CORO1C: variants seen among roughly 807,000 people sequenced by gnomAD.
CORO1C encodes the protein coronin 1C.
CORO1C carries 14 observed loss-of-function variants against 51.2 expected under a neutral mutation model. The ratio of observed to expected loss-of-function variants is 0.27; its 90% CI spans 0.18 to 0.43. CORO1C has a LOEUF of 0.43. Among genes scored for constraint, CORO1C ranks in the 20% least tolerant of loss-of-function variants. The pLI, the probability that CORO1C is intolerant of heterozygous loss-of-function variation, is 1.00. For synonymous variants in CORO1C, 181 were observed against 210.5 expected, an observed-to-expected ratio of 0.86 and a Z score of 1.21; for missense variants, 417 against 607.8, an observed-to-expected ratio of 0.69 and a Z score of 3.30.
intron 2 of CORO1C, among the ~76,000 whole-genome samples, chr12:108,694,139 G>A (rs188885658): frequency 4.6e-4 from 70 of 152,034 alleles, no homozygotes; most frequent in African/African-American, 1.3e-3. Flanking sequence ...AAAATTAGCC[G>A]GGCATGATGG....
Position 108,731,094 on chromosome 12 carries a change from C to G in CORO1C, c.-6+335G>C, listed in dbSNP as rs906680088. ...CCTAAAAGCCTTCCCTGGGCAGCCTCGTCCCACCTCGGCCCGCGGCTCCGC... is the reference window on the plus strand; with the variant it reads ...CCTAAAAGCCTTCCCTGGGCAGCCTGGTCCCACCTCGGCCCGCGGCTCCGC... On this transcript the variant is annotated intron_variant, in intron 1 of 10. Transcript: ENST00000261401. The surrounding 1 kb of genome is among the most constrained non-coding windows in gnomAD (Gnocchi z 5.2). 1 of 153,278 alleles carries G rather than the reference C, an allele frequency of 6.5e-6. No individual in the cohort carries two copies. Among genetic ancestry groups the G allele is most frequent in the Admixed American group, 6.5e-5 (1 of 15,298 alleles). 9.5% of individuals were successfully genotyped at this position (153,278 alleles called of 1,614,324 possible). A position where few individuals can be genotyped will look rare whatever the true frequency, so the allele number is the denominator to read the frequency against.
chr12:108,678,404 G>A lies in CORO1C; in HGVS notation c.196-10C>T, dbSNP rs770145391. ...TGTCAATTCGACCAGTCTGAAAGAA[G>A]AGAGAAACAAACCTATTATGTAATA... On this transcript the variant is annotated splice_polypyrimidine_tract_variant and intron_variant, in intron 2 of 10. Coordinates refer to ENST00000261401, the MANE Select transcript of CORO1C (RefSeq NM_014325.4). The A allele has an allele frequency of 1.3e-6, 2 of 1,566,070 alleles. No homozygotes were observed.
At chr12:108,659,857 A>T (rs1376865242) in intron 4 of CORO1C, among the ~76,000 whole-genome samples, 2 of 152,248 alleles carry the variant, frequency 1.3e-5, no homozygotes, top group Non-Finnish European at 2.9e-5. Context: ...CATGGTGAGA[A>T]GCCCAAACTG....
At chr12:108,705,304 C>A (rs539503129) in intron 1 of CORO1C, among the ~76,000 whole-genome samples, 5 of 151,832 alleles carry the variant, frequency 3.3e-5, no homozygotes, top group Admixed American at 1.3e-4. Flanking sequence ...CATGGTGAAA[C>A]CCAGTCTCTA....
chr12:108,664,365 G>C (rs573422174), intron 3 of CORO1C, among the ~76,000 whole-genome samples: 1 of 152,318 alleles, frequency 6.6e-6, no homozygotes, highest in East Asian at 1.9e-4. Context: ...TGAGTGTTTA[G>C]GGTTCAGCTC....
At position 108,658,855 on chromosome 12, in the gene CORO1C, A is replaced by G. The variant is rs755025882; in HGVS notation, c.513T>C (p.Asp171=). The G allele has an allele frequency of 6.2e-7, 1 of 1,613,920 alleles. No homozygotes were observed. The highest frequency in any genetic ancestry group is 8.5e-7 in the Non-Finnish European group (1 of 1,179,780). ...CATTGTAAATCATGTCTGAATGCAT[A>G]TCGTCCAAGTTTATAAGGGCTTCCC... is the stretch of plus-strand genomic sequence containing the variant. ...GTGEALINLD[D]MHSDMIYNVS... Residue 171 remains aspartate (D), a synonymous_variant, in exon 5 of 11, where the codon GAT becomes GAC. Transcript: ENST00000261401. This position sits in a 1 kb window ranked among gnomAD's most constrained non-coding sequence, Gnocchi z 4.9.
intron 1 of CORO1C, among the ~76,000 whole-genome samples, chr12:108,724,346 C>T (rs2035539599): frequency 1.3e-5 from 2 of 152,216 alleles, no homozygotes; most frequent in South Asian, 4.1e-4. Flanking sequence ...AAAATCCACA[C>T]TATACTATAA....
chr12:108,680,842 T>G (rs1242053422), intron 2 of CORO1C, among the ~76,000 whole-genome samples: 1 of 152,230 alleles, frequency 6.6e-6, no homozygotes, highest in Admixed American at 6.5e-5. Context: ...ACAAAAATCA[T>G]GCAGGTAAGA....
In CORO1C at chr12:108,647,322, C is replaced by T; in HGVS notation, c.*81G>A. On this transcript the variant is annotated 3_prime_UTR_variant, in exon 11 of 11. Transcript: ENST00000261401. Reference sequence around the variant, plus strand: ...AAATGGCAGTGCCTCCCTTTCCGCCCTCCCTAGGACCACACCAATAACCAG... The same window carrying T: ...AAATGGCAGTGCCTCCCTTTCCGCCTTCCCTAGGACCACACCAATAACCAG... 1 of 1,348,044 alleles carries T rather than the reference C, an allele frequency of 7.4e-7. No individual in the cohort carries two copies. Among genetic ancestry groups the T allele is most frequent in the Non-Finnish European group, 9.9e-7 (1 of 1,007,154 alleles). 83.5% of individuals were successfully genotyped at this position (1,348,044 alleles called of 1,614,324 possible). A position where few individuals can be genotyped will look rare whatever the true frequency, so the allele number is the denominator to read the frequency against.
intron 2 of CORO1C, among the ~76,000 whole-genome samples, chr12:108,699,687 C>T (rs1055174611): frequency 6.6e-6 from 1 of 152,150 alleles, no homozygotes; most frequent in Non-Finnish European, 1.5e-5. Flanking sequence ...AATCCCCACT[C>T]CAAAACCAGA....
intron 1 of CORO1C, among the ~76,000 whole-genome samples, chr12:108,709,849 C>T (rs373856742): frequency 2.2e-4 from 33 of 152,314 alleles, no homozygotes; most frequent in East Asian, 1.2e-3. Context: ...ACTGCTTGCT[C>T]ATTAGGTCTT....
intron 2 of CORO1C, among the ~76,000 whole-genome samples, chr12:108,692,274 G>A (rs779433483): frequency 9.9e-5 from 15 of 152,214 alleles, no homozygotes; most frequent in South Asian, 2.1e-4. Context: ...GGCATCCCAC[G>A]ACATGTCAGG....
At chr12:108,659,062 G>C (rs1277435792) in intron 4 of CORO1C, 143 bp from the exon 5 acceptor site, 2 of 835,150 alleles carry the variant, frequency 2.4e-6, no homozygotes. Flanking sequence ...AGATGCGGCT[G>C]ATTGTCAGAG....
intron 2 of CORO1C, among the ~76,000 whole-genome samples, chr12:108,692,794 CTT>C (rs11447073): frequency 9.0e-4 from 100 of 111,658 alleles, no homozygotes; most frequent in African/African-American, 2.8e-3. Context: ...TAGACCACAG[CTT>C]TTTTTTTTTT....
In CORO1C at chr12:108,726,689, AC is replaced by A. The variant is rs2136892719; in HGVS notation, c.-6+4739del. On this transcript the variant is annotated intron_variant, in intron 1 of 10. Transcript: ENST00000261401. ...AAAAAAGAATGAAAAGAAAGTACAC[AC>A]CCTTAAAATCCAATTTACAACCATT... 2.0e-5 allele frequency among the ~76,000 whole-genome samples: 3 copies of A among 151,782 alleles called. 1 individual carries two copies. The South Asian group carries it at 6.3e-4, about 32-fold the overall frequency.
intron 2 of CORO1C, among the ~76,000 whole-genome samples, chr12:108,698,234 A>G (rs1475322878): frequency 2.0e-5 from 3 of 152,244 alleles, no homozygotes; most frequent in East Asian, 3.8e-4. Flanking sequence ...AGGAGTAAAA[A>G]GGCATCTACT....
chr12:108,716,885 T>C (rs1189179365), intron 1 of CORO1C, among the ~76,000 whole-genome samples: 8 of 152,210 alleles, frequency 5.3e-5, no homozygotes, highest in African/African-American at 1.9e-4. Flanking sequence ...CATTCTTTTG[T>C]TCAACAACTA....
At position 108,701,242 on chromosome 12, in the gene CORO1C, T is replaced by G. The variant is rs2034859446; in HGVS notation, c.77A>C (p.Asp26Ala). Residue 26 changes from aspartate to alanine, a missense_variant, in exon 2 of 11, where the codon GAC becomes GCC. Transcript: ENST00000261401. Reference protein sequence around the residue: ...QAVKNDQCYDDIRVSRVTWDS... With the variant: ...QAVKNDQCYDAIRVSRVTWDS... ...CCAGGTCACACGAGAAACCCGGATG[T>G]CATCATAGCACTGGTCATTTTTCAC... 6.2e-7 allele frequency: 1 copy of G among 1,614,080 alleles called. No individual in the cohort carries two copies. The highest frequency in any genetic ancestry group is 1.1e-5 in the South Asian group (1 of 91,082).
Position 108,706,033 on chromosome 12 carries a change from A to C in CORO1C, c.-5-4710T>G, listed in dbSNP as rs566655125. On this transcript the variant is annotated intron_variant, in intron 1 of 10. Coordinates refer to ENST00000261401, the MANE Select transcript of CORO1C (RefSeq NM_014325.4). ...GAAACCCCATCTCTACTAAAAATACAGAAGTTAGCCAGGCATGGTGGTGGG... is the reference window on the plus strand; with the variant it reads ...GAAACCCCATCTCTACTAAAAATACCGAAGTTAGCCAGGCATGGTGGTGGG... Among the ~76,000 whole-genome samples, 197 of 152,078 alleles carry C rather than the reference A, an allele frequency of 1.3e-3. 1 individual carries two copies. The highest frequency in any genetic ancestry group is 4.6e-3 in the African/African-American group (189 of 41,468).
Sources: gnomAD v4.1 joint callset for allele counts (sites outside exome capture counted in the v4.1 genomes callset) on GRCh38, gnomAD v4.1.1 for gene constraint, Gnocchi (gnomAD v3.1) non-coding constraint, MANE v1.5 for transcripts, NCBI Gene and HGNC (gene_info 2026-07-23, HGNC 2026-07-21) for gene names.